The following FAM135A variants were observed in gnomAD, a reference collection of about 807,000 sequenced individuals.
FAM135A encodes the protein family with sequence similarity 135 member A.
Under a neutral mutation model 146.8 loss-of-function variants are expected in FAM135A, and 79 were observed. That is an observed-to-expected ratio of 0.54 (90% CI 0.45 to 0.65). FAM135A has a LOEUF of 0.65. Ranked by LOEUF, FAM135A falls within the 30% of genes least tolerant of loss-of-function variation. The pLI is 0.00. For missense variants in FAM135A, 1,623 were observed against 1,758.2 expected, an observed-to-expected ratio of 0.92 and a Z score of 1.38; for synonymous variants, 562 against 603.6, an observed-to-expected ratio of 0.93 and a Z score of 1.01.
At chr6:70,427,228 A>G (rs561679391) in intron 3 of FAM135A, among the ~76,000 whole-genome samples, 231 of 152,224 alleles carry the variant, frequency 1.5e-3, no homozygotes, top group African/African-American at 5.0e-3. Context: ...ACATGTTCCC[A>G]GTGTCATAGT....
intron 2 of FAM135A, among the ~76,000 whole-genome samples, chr6:70,426,089 G>A (rs1383566996): frequency 6.8e-6 from 1 of 147,808 alleles, no homozygotes; most frequent in Non-Finnish European, 1.5e-5. Context: ...TGGCCTGGGC[G>A]ACAGAGCGAG....
intron 20 of FAM135A, among the ~76,000 whole-genome samples, chr6:70,553,584 A>G (rs946247771): frequency 6.6e-6 from 1 of 152,210 alleles, no homozygotes; most frequent in Non-Finnish European, 1.5e-5. Flanking sequence ...TACTTTAAAC[A>G]GGGACAGATC....
At chr6:70,472,617 T>C (rs1781837777) in intron 5 of FAM135A, among the ~76,000 whole-genome samples, 1 of 152,176 alleles carries the variant, frequency 6.6e-6, no homozygotes, top group Non-Finnish European at 1.5e-5. Flanking sequence ...TCCAGTAAAG[T>C]CCTTTATAGC....
intron 20 of FAM135A, among the ~76,000 whole-genome samples, chr6:70,539,593 C>T (rs2128436193): frequency 6.6e-6 from 1 of 152,308 alleles, no homozygotes; most frequent in South Asian, 2.1e-4. Context: ...AATCATTACT[C>T]CTCCACTGTT....
intron 12 of FAM135A, among the ~76,000 whole-genome samples, chr6:70,509,623 G>A (rs1790553977): frequency 6.6e-6 from 1 of 152,124 alleles, no homozygotes; most frequent in Non-Finnish European, 1.5e-5. Context: ...GTTATTATCT[G>A]TGTAAGGCAC....
chr6:70,559,616 A>C (rs1801580194), intron 21 of FAM135A, 100 bp from the exon 22 acceptor site: 2 of 959,288 alleles, frequency 2.1e-6, no homozygotes, highest in Admixed American at 6.0e-5. Flanking sequence ...ATATGGAAAT[A>C]ATGTAACTAA....
At position 70,477,277 on chromosome 6, in the gene FAM135A, G is replaced by A. The variant is rs778641603; in HGVS notation, c.487G>A (p.Val163Ile). 5.3e-5 allele frequency: 86 copies of A among 1,613,264 alleles called. No individual in the cohort carries two copies. The Admixed American group carries it at 7.3e-4, about 14-fold the overall frequency. ...NVMFDYFHLS[V>I]VSVTVHASLV... is the part of the protein sequence containing the mutation. ...TATGTTTGATTACTTCCACCTTTCT[G>A]TTGTGTCTGTTACAGTTCATGCATC... The change falls in exon 8 of 22, where the codon GTT (valine) becomes ATT (isoleucine). Residue 163 changes from valine to isoleucine, a missense_variant. Coordinates refer to ENST00000418814, the MANE Select transcript of FAM135A (RefSeq NM_001162529.3).
chr6:70,450,157 A>C (rs1776709817), intron 4 of FAM135A, among the ~76,000 whole-genome samples: 2 of 152,142 alleles, frequency 1.3e-5, no homozygotes, highest in Admixed American at 6.6e-5. Flanking sequence ...TTTGGATATT[A>C]GTTCCTTATC....
In FAM135A at chr6:70,560,028, C is replaced by G; in HGVS notation, c.*107C>G. 1 of 840,520 alleles carries G rather than the reference C, an allele frequency of 1.2e-6. No individual in the cohort carries two copies. Among genetic ancestry groups the G allele is most frequent in the Non-Finnish European group, 1.8e-6 (1 of 565,720 alleles). 52.1% of individuals were successfully genotyped at this position (840,520 alleles called of 1,614,324 possible). A position where few individuals can be genotyped will look rare whatever the true frequency, so the allele number is the denominator to read the frequency against. ...GATAAGTTCTAAGAAATATTTATAC[C>G]TTTTTATATGGAAGATAATTTATAT... On this transcript the variant is annotated 3_prime_UTR_variant, in exon 22 of 22. Coordinates refer to ENST00000418814, the MANE Select transcript of FAM135A (RefSeq NM_001162529.3).
chr6:70,444,589 AATTT>A (rs930978241), intron 4 of FAM135A, among the ~76,000 whole-genome samples: 16 of 152,046 alleles, frequency 1.1e-4, no homozygotes, highest in African/African-American at 2.4e-5. Context: ...AAAAGAAAAA[AATTT>A]ATTTATCTAA....
intron 2 of FAM135A, among the ~76,000 whole-genome samples, chr6:70,415,587 G>A (rs1175291472): frequency 6.6e-6 from 1 of 152,138 alleles, no homozygotes; most frequent in African/African-American, 2.4e-5. Flanking sequence ...TTTTTCAAAT[G>A]CAAATAAAGA....
chr6:70,494,224 T>A (rs893982387), intron 11 of FAM135A, among the ~76,000 whole-genome samples: 2 of 152,150 alleles, frequency 1.3e-5, no homozygotes, highest in African/African-American at 4.8e-5. Context: ...AATGAACTTT[T>A]TTCATCTTTT....
chr6:70,523,519 A>T (rs1361160260), intron 13 of FAM135A, among the ~76,000 whole-genome samples: 1 of 152,126 alleles, frequency 6.6e-6, no homozygotes, highest in Non-Finnish European at 1.5e-5. Context: ...CTTGTTTTAA[A>T]ATAGCTGTTA....
At chr6:70,477,833 A>G (rs1782918017) in intron 8 of FAM135A, among the ~76,000 whole-genome samples, 1 of 152,194 alleles carries the variant, frequency 6.6e-6, no homozygotes, top group Non-Finnish European at 1.5e-5. Context: ...TAAAATTTAT[A>G]ATAAAATTCA....
At chr6:70,557,062 T>C (rs1163722913) in intron 21 of FAM135A, 199 bp downstream of exon 21, 2 of 573,816 alleles carry the variant, frequency 3.5e-6, no homozygotes, top group African/African-American at 3.7e-5. Context: ...AGTAATACTT[T>C]CATCTAATTA....
chr6:70,447,912 G>A (rs564736070), intron 4 of FAM135A, among the ~76,000 whole-genome samples: 1 of 152,256 alleles, frequency 6.6e-6, no homozygotes, highest in Admixed American at 6.5e-5. Context: ...TAGCAGAGTA[G>A]CCTTATGCAG....
intron 12 of FAM135A, among the ~76,000 whole-genome samples, chr6:70,505,967 T>C (rs1330308702): frequency 6.6e-6 from 1 of 152,200 alleles, no homozygotes; most frequent in Non-Finnish European, 1.5e-5. Context: ...ATGGATAAAA[T>C]AGCATAATCA....
At chr6:70,455,661 G>A (rs1778199521) in intron 5 of FAM135A, among the ~76,000 whole-genome samples, 1 of 152,018 alleles carries the variant, frequency 6.6e-6, no homozygotes, top group Admixed American at 6.5e-5. Context: ...TTCTAGCTCA[G>A]TTTTTTCTCC....
rs555290400 is a variant in FAM135A, at chr6:70,502,639, A to T, written c.877A>T (p.Ile293Leu). The T allele has an allele frequency of 1.2e-5, 20 of 1,603,076 alleles. No homozygotes were observed. Among genetic ancestry groups the T allele is most frequent in the Non-Finnish European group, 1.5e-5 (18 of 1,176,706 alleles). The stretch of plus-strand genomic sequence containing the variant: ...ATTTTTTTTCTTTTCATTTCAGAAA[A>T]TAGAGAATCCTGATGAACTGGCAGA... ...LTELCEEVKK[I>L]ENPDELAELI... Residue 293 changes from isoleucine (I) to leucine (L), a missense_variant, in exon 12 of 22, where the codon ATA becomes TTA. This residue lies in a region of FAM135A where 206 missense variants were observed against 194.7 expected (regional missense o/e 1.06). Coordinates refer to ENST00000418814, the MANE Select transcript of FAM135A (RefSeq NM_001162529.3).
Sources: allele counts gnomAD v4.1 joint callset (sites outside exome capture counted in the v4.1 genomes callset), GRCh38; gene constraint gnomAD v4.1.1; regional missense constraint gnomAD v4.1.1; transcripts MANE v1.5; gene names NCBI Gene and HGNC (gene_info 2026-07-23, HGNC 2026-07-21).